Variants in KNSTRN observed in about 807,000 individuals in gnomAD.
KNSTRN encodes kinetochore localized astrin (SPAG5) binding protein.
KNSTRN carries 38 observed loss-of-function variants against 44.7 expected under a neutral mutation model. That is an observed-to-expected ratio of 0.85 (90% CI 0.66 to 1.11). KNSTRN has a LOEUF of 1.11. Among genes scored for constraint, KNSTRN ranks in the 50% most tolerant of loss-of-function variants. KNSTRN has a pLI of 0.00. For missense variants in KNSTRN, 406 were observed against 375.8 expected, an observed-to-expected ratio of 1.08 and a Z score of -0.66; for synonymous variants, 158 against 148.1, an observed-to-expected ratio of 1.07 and a Z score of -0.48.
Position 40,391,502 on chromosome 15 carries a change from G to T in KNSTRN, c.695G>T (p.Ser232Ile). 6.2e-7 allele frequency: 1 copy of T among 1,613,930 alleles called. No individual in the cohort carries two copies. The highest frequency in any genetic ancestry group is 8.5e-7 in the Non-Finnish European group (1 of 1,179,840). The change falls in exon 7 of 9, where the codon AGT becomes ATT. Residue 232 changes from serine to isoleucine, a missense_variant. Coordinates refer to ENST00000249776, the MANE Select transcript of KNSTRN (RefSeq NM_033286.4). ...TTGTTGTATCCATCAGCTTTAGGCA[G>T]TGAGACCCTGGCATCACGACAAGAA... ...ESKGLDPALG[S>I]ETLASRQEST...
Position 40,383,303 on chromosome 15 carries a change from G to A in KNSTRN, c.285G>A (p.Leu95=). The A allele has an allele frequency of 6.2e-7, 1 of 1,612,386 alleles. No individual in the cohort carries two copies. The highest frequency in any genetic ancestry group is 1.1e-5 in the South Asian group (1 of 91,038). Residue 95 remains leucine, a synonymous_variant, in exon 2 of 9, where the codon CTG becomes CTA. Transcript: ENST00000249776. ...ATAGCCTGCAGCCCCCCTCTGCGCT[G>A]AGCGGCGGCCAGCCGGCAGGTGAGG... ...TVYSLQPPSA[L]SGGQPADTQT...
chr15:40,391,564 T>C lies in KNSTRN; in HGVS notation c.747+10T>C, dbSNP rs1490336498. 5.6e-6 allele frequency: 9 copies of C among 1,612,698 alleles called. No individual in the cohort carries two copies. Among genetic ancestry groups the C allele is most frequent in the Non-Finnish European group, 7.6e-6 (9 of 1,178,872 alleles). On this transcript the variant is annotated intron_variant, in intron 7 of 8. Coordinates refer to ENST00000249776, the MANE Select transcript of KNSTRN (RefSeq NM_033286.4). The stretch of plus-strand genomic sequence containing the variant: ...TCACATGGACTCTATGGTGAGGGCA[T>C]GGGTGTGAAAGGGCGCAAGGGCTGA...
At chr15:40,391,787 T>G (rs1890001841) in intron 7 of KNSTRN, 162 bp from the exon 8 acceptor site, 2 of 680,024 alleles carry the variant, frequency 2.9e-6, no homozygotes, top group Non-Finnish European at 2.5e-6. Flanking sequence ...ACATAATAGG[T>G]AAACCTGTAG....
intron 3 of KNSTRN, chr15:40,386,804 A>T (rs1372354192): frequency 2.0e-6 from 1 of 502,480 alleles, no homozygotes; most frequent in Non-Finnish European, 3.6e-6. Context: ...ACTAGTTGTT[A>T]TCCTAGGTTG....
rs761730079 is a variant in KNSTRN at position 40,382,902 on chromosome 15, G to T, written c.67G>T (p.Asp23Tyr). 9.9e-6 allele frequency: 16 copies of T among 1,612,154 alleles called. No individual in the cohort carries two copies. The South Asian group carries it at 1.8e-4, about 18-fold the overall frequency. The change falls in exon 1 of 9, where the codon GAT becomes TAT. Residue 23 changes from aspartate to tyrosine, a missense_variant. By Grantham distance (160) the Asp-to-Tyr change is radical. Coordinates refer to ENST00000249776, the MANE Select transcript of KNSTRN (RefSeq NM_033286.4). ...TACAACATGGCTGTCTACAGAGTGCGATTCCCACCCACTTCCGCCTAGCTA... is the reference window on the plus strand; with the variant it reads ...TACAACATGGCTGTCTACAGAGTGCTATTCCCACCCACTTCCGCCTAGCTA... ...FRTTWLSTEC[D>Y]SHPLPPSYRK...
At chr15:40,389,293 C>A (rs1209850519) in intron 4 of KNSTRN, 2 of 511,108 alleles carry the variant, frequency 3.9e-6, no homozygotes, top group Admixed American at 5.7e-5. Flanking sequence ...GGATTACAGG[C>A]ATGCGCCACC....
In KNSTRN at chr15:40,391,561, G is replaced by A; in HGVS notation, c.747+7G>A. On this transcript the variant is annotated splice_region_variant and intron_variant, in intron 7 of 8. Transcript: ENST00000249776. ...TGATCACATGGACTCTATGGTGAGG[G>A]CATGGGTGTGAAAGGGCGCAAGGGC... 1 of 1,612,128 alleles carries A rather than the reference G, an allele frequency of 6.2e-7. No individual in the cohort carries two copies. The highest frequency in any genetic ancestry group is 8.5e-7 in the Non-Finnish European group (1 of 1,178,218).
rs571908029 is a variant in KNSTRN at position 40,392,988 on chromosome 15, A to G, written c.823-481A>G. Among the ~76,000 whole-genome samples, 94 of 150,534 alleles carry G rather than the reference A, an allele frequency of 6.2e-4. 1 individual carries two copies. Among genetic ancestry groups the G allele is most frequent in the African/African-American group, 2.3e-3 (93 of 40,784 alleles). On this transcript the variant is annotated intron_variant, in intron 8 of 8. Transcript: ENST00000249776. ...TATTCCAAGTCTTCATTTGGATTTT[A>G]GCAGTTTTTTCCACTAATTTTTTTT...
intron 4 of KNSTRN, among the ~76,000 whole-genome samples, chr15:40,387,779 G>A (rs897201690): frequency 1.3e-5 from 2 of 152,190 alleles, no homozygotes; most frequent in Admixed American, 1.3e-4. Flanking sequence ...AGGCCAAGGT[G>A]GGTGGATCAC....
At chr15:40,383,740 A>T (rs1889855516) in intron 2 of KNSTRN, among the ~76,000 whole-genome samples, 1 of 152,164 alleles carries the variant, frequency 6.6e-6, no homozygotes, top group African/African-American at 2.4e-5. Context: ...TCACCTTTAT[A>T]TCTGCACCGT....
intron 5 of KNSTRN, 75 bp downstream of exon 5, chr15:40,389,686 G>T (rs982974943): frequency 1.1e-4 from 139 of 1,318,642 alleles, no homozygotes; most frequent in Non-Finnish European, 1.5e-4. Context: ...GTGGCCCCTT[G>T]GATGAGCAAG....
chr15:40,389,696 G>A, intron 5 of KNSTRN, 85 bp downstream of exon 5: 2 of 1,287,978 alleles, frequency 1.6e-6, no homozygotes, highest in Non-Finnish European at 2.2e-6. Flanking sequence ...GGATGAGCAA[G>A]CTTGTTAATG....
Position 40,382,995 on chromosome 15 carries a change from C to G in KNSTRN, c.160C>G (p.Leu54Val). The part of the protein sequence containing the change: ...AGGTTVAAGN[L>V]LNESEKDCGQ... ...TGGCACGACAGTTGCTGCAGGGAAT[C>G]TTTTAAACGAGAGCGAGAAGGACTG... Residue 54 changes from leucine (L) to valine (V), a missense_variant, in exon 1 of 9, where the codon CTT (leucine) becomes GTT (valine). Coordinates refer to ENST00000249776, the MANE Select transcript of KNSTRN (RefSeq NM_033286.4). 3.1e-6 allele frequency: 5 copies of G among 1,612,084 alleles called. No individual in the cohort carries two copies. Among genetic ancestry groups the G allele is most frequent in the East Asian group, 4.5e-5 (2 of 44,892 alleles).
At chr15:40,392,893 G>T in intron 8 of KNSTRN, among the ~76,000 whole-genome samples, 1 of 152,138 alleles carries the variant, frequency 6.6e-6, no homozygotes, top group Non-Finnish European at 1.5e-5. Context: ...TTGCAGGTGT[G>T]AGCCACTGCA....
rs749455605 is a variant in KNSTRN at position 40,391,519 on chromosome 15, C to T, written c.712C>T (p.Arg238Ter). The change falls in exon 7 of 9, where the codon CGA becomes TGA. Residue 238 changes from arginine (R) to a stop codon, truncating the protein, a stop_gained. Transcript: ENST00000249776. LOFTEE classifies it high-confidence loss of function. ...TTTAGGCAGTGAGACCCTGGCATCA[C>T]GACAAGAATCCACTACTGATCACAT... is the stretch of plus-strand genomic sequence containing the variant. ...PALGSETLAS[R>*]QESTTDHMDS... The T allele has an allele frequency of 1.4e-5, 23 of 1,613,800 alleles. No homozygotes were observed. The highest frequency in any genetic ancestry group is 2.2e-5 in the East Asian group (1 of 44,886).
chr15:40,383,109 G>A, intron 1 of KNSTRN, 65 bp downstream of exon 1: 1 of 1,597,028 alleles, frequency 6.3e-7, no homozygotes. Context: ...GCTGGGAAAG[G>A]AGGATTTTCT....
intron 4 of KNSTRN, 54 bp downstream of exon 4, chr15:40,387,260 T>C (rs1418605816): frequency 2.5e-5 from 33 of 1,335,328 alleles, no homozygotes. Context: ...TGGATCTCAA[T>C]CCTTGGTTCT....
In KNSTRN at chr15:40,382,936, T is replaced by G; in HGVS notation, c.101T>G (p.Phe34Cys). 1.2e-6 allele frequency: 2 copies of G among 1,612,228 alleles called. No homozygotes were observed. Among genetic ancestry groups the G allele is most frequent in the South Asian group, 2.2e-5 (2 of 90,988 alleles). Residue 34 changes from phenylalanine (F) to cysteine (C), a missense_variant, in exon 1 of 9, where the codon TTT becomes TGT. Physicochemically the swap from Phe to Cys is radical, Grantham distance 205. Transcript: ENST00000249776. ...CCACTTCCGCCTAGCTACCGGAAGTTTCTATTTGAAACCCAGGCGGCCGAC... is the reference window on the plus strand; with the variant it reads ...CCACTTCCGCCTAGCTACCGGAAGTGTCTATTTGAAACCCAGGCGGCCGAC... ...SHPLPPSYRK[F>C]LFETQAADLA... is the part of the protein sequence containing the mutation.
In KNSTRN at chr15:40,389,856, C is replaced by T. The variant is rs1889968429; in HGVS notation, c.612C>T (p.Thr204=). The change falls in exon 6 of 9, where the codon ACC becomes ACT. Residue 204 remains threonine (T), a synonymous_variant. Transcript: ENST00000249776. ...AATAGGGAGAGCTGAAGGACCTGACCCAGAAGGTAGAGCTGCTGGAGAAGT... is the reference window on the plus strand; with the variant it reads ...AATAGGGAGAGCTGAAGGACCTGACTCAGAAGGTAGAGCTGCTGGAGAAGT... ...TETQGELKDL[T]QKVELLEKFR... is the part of the protein sequence containing the mutation. 1 of 1,614,050 alleles carries T rather than the reference C, an allele frequency of 6.2e-7. No homozygotes were observed. Among genetic ancestry groups the T allele is most frequent in the South Asian group, 1.1e-5 (1 of 91,082 alleles).
Sources: allele counts gnomAD v4.1 joint callset (sites outside exome capture counted in the v4.1 genomes callset), GRCh38; gene constraint gnomAD v4.1.1; transcripts MANE v1.5; gene names NCBI Gene and HGNC (gene_info 2026-07-23, HGNC 2026-07-21).